Variants in GSK3B observed in about 807,000 individuals in gnomAD.
The protein encoded by GSK3B is glycogen synthase kinase-3 beta.
Under a neutral mutation model 56.4 loss-of-function variants are expected in GSK3B, and 15 were observed. That is an observed-to-expected ratio of 0.27 (90% CI 0.18 to 0.41). The LOEUF is 0.41. Among genes scored for constraint, GSK3B ranks in the 10% least tolerant of loss-of-function variants. GSK3B has a pLI of 1.00. For synonymous variants in GSK3B, 181 were observed against 188.9 expected, an observed-to-expected ratio of 0.96 and a Z score of 0.34; for missense variants, 300 against 513.4, an observed-to-expected ratio of 0.58 and a Z score of 4.02.
In GSK3B at chr3:120,001,956, T is replaced by C. The variant is rs762341952; in HGVS notation, c.282+90A>G. ...CAAAAATGCGCACAATAGAAGAAAT[T>C]TGAAGCAAAAAGAAGCAACTAAAAA... On this transcript the variant is annotated intron_variant, in intron 2 of 10. Transcript: ENST00000264235. 1.4e-3 allele frequency: 1,200 copies of C among 838,374 alleles called. 3 individuals are homozygous for C. The highest frequency in any genetic ancestry group is 1.8e-3 in the Non-Finnish European group (1,015 of 558,078). The allele number at this position is 838,374 out of a possible 1,614,324, so 51.9% of individuals were successfully genotyped here.
chr3:119,845,239 C>T (rs111625483), intron 9 of GSK3B, among the ~76,000 whole-genome samples: 4 of 152,308 alleles, frequency 2.6e-5, no homozygotes, highest in East Asian at 1.9e-4. Context: ...TGGAAGCATT[C>T]GCTTTGAAAA....
intron 7 of GSK3B, among the ~76,000 whole-genome samples, chr3:119,887,982 G>A (rs73175849): frequency 0.091 from 13,882 of 151,976 alleles, 782 homozygotes; most frequent in Non-Finnish European, 0.12. Context: ...GGAAACCAAG[G>A]GAAACCAATT....
At chr3:119,936,858 A>G (rs144954168) in intron 3 of GSK3B, among the ~76,000 whole-genome samples, 234 of 152,116 alleles carry the variant, frequency 1.5e-3, no homozygotes, top group Admixed American at 3.1e-3. Flanking sequence ...AAGGAAACAG[A>G]TAACTTGAAC....
chr3:120,016,500 C>T (rs1446951952), intron 1 of GSK3B, among the ~76,000 whole-genome samples: 1 of 152,280 alleles, frequency 6.6e-6, no homozygotes, highest in East Asian at 1.9e-4. Flanking sequence ...CTGAAAAACT[C>T]GTGTCCTACT....
intron 9 of GSK3B, among the ~76,000 whole-genome samples, chr3:119,862,882 TTA>T (rs1394374662): frequency 6.6e-6 from 1 of 152,168 alleles, no homozygotes; most frequent in Non-Finnish European, 1.5e-5. Context: ...CCTTTCAGTA[TTA>T]TCTCAGCAGC....
chr3:119,834,496 T>C (rs1489466142), intron 10 of GSK3B, among the ~76,000 whole-genome samples: 5 of 152,126 alleles, frequency 3.3e-5, no homozygotes, highest in African/African-American at 1.2e-4. Flanking sequence ...GACCTGTCAA[T>C]AAGACTGTTT....
At chr3:119,943,562 A>C (rs60859194) in intron 3 of GSK3B, among the ~76,000 whole-genome samples, 1 of 152,162 alleles carries the variant, frequency 6.6e-6, no homozygotes, top group Non-Finnish European at 1.5e-5. Context: ...AACATTTTCC[A>C]AAAAGGGAGT....
intron 7 of GSK3B, among the ~76,000 whole-genome samples, chr3:119,904,251 T>G (rs941950706): frequency 3.3e-5 from 5 of 152,198 alleles, no homozygotes; most frequent in Non-Finnish European, 5.9e-5. Flanking sequence ...ACAGAAAAAG[T>G]TGGCCAAGCT....
intron 2 of GSK3B, among the ~76,000 whole-genome samples, chr3:119,984,170 C>T (rs896553366): frequency 2.6e-5 from 4 of 152,106 alleles, no homozygotes; most frequent in Admixed American, 6.6e-5. Flanking sequence ...AGAACAAAGA[C>T]ACAACATACC....
chr3:119,994,193 A>G (rs181901241), intron 2 of GSK3B, among the ~76,000 whole-genome samples: 23 of 152,290 alleles, frequency 1.5e-4, no homozygotes, highest in Admixed American at 6.5e-4. Context: ...ATAAATGACC[A>G]AAGATTATAA....
chr3:120,086,650 C>T (rs986823292), intron 1 of GSK3B, among the ~76,000 whole-genome samples: 1 of 152,064 alleles, frequency 6.6e-6, no homozygotes, highest in Admixed American at 6.5e-5. Flanking sequence ...CAAAAACTAG[C>T]CAGGCATGTT....
At position 119,863,401 on chromosome 3, in the gene GSK3B, C is replaced by T. The variant is rs1455249278; in HGVS notation, c.1096+18G>A. Reference sequence around the variant, plus strand: ...AGCTTTCCTAGAACTGGTGAAGAGGCTAAGTGTTTGGAGTTACCTTGAGTG... The same window carrying T: ...AGCTTTCCTAGAACTGGTGAAGAGGTTAAGTGTTTGGAGTTACCTTGAGTG... On this transcript the variant is annotated intron_variant, in intron 9 of 10. Transcript: ENST00000264235. 13 of 1,598,136 alleles carry T rather than the reference C, an allele frequency of 8.1e-6. No individual in the cohort carries two copies. The highest frequency in any genetic ancestry group is 1.1e-5 in the Non-Finnish European group (13 of 1,165,692).
rs201134658 is a variant in GSK3B, at chr3:120,093,659, T to C, written c.-225A>G. On this transcript the variant is annotated 5_prime_UTR_variant, in exon 1 of 11. Transcript: ENST00000264235. ...CAGATCGGCACGGATATTTAACATATAGATGATTTAGGACTTGGGAAAAAA... is the reference window on the plus strand; with the variant it reads ...CAGATCGGCACGGATATTTAACATACAGATGATTTAGGACTTGGGAAAAAA... 3.9e-5 allele frequency: 17 copies of C among 435,940 alleles called. No homozygotes were observed. The highest frequency in any genetic ancestry group is 5.8e-5 in the Non-Finnish European group (14 of 241,538). The allele number at this position is 435,940 out of a possible 1,614,324, so 27.0% of individuals were successfully genotyped here.
intron 1 of GSK3B, among the ~76,000 whole-genome samples, chr3:120,054,274 T>G (rs2058175428): frequency 6.6e-6 from 1 of 152,124 alleles, no homozygotes; most frequent in Non-Finnish European, 1.5e-5. Flanking sequence ...AATCCCTGCT[T>G]GCTCACTTTT....
intron 8 of GSK3B, among the ~76,000 whole-genome samples, chr3:119,868,783 A>C (rs563988479): frequency 5.0e-4 from 76 of 152,312 alleles, no homozygotes; most frequent in South Asian, 1.0e-3. Flanking sequence ...TACAAAATAT[A>C]AGCATCCAGT....
chr3:120,086,688 C>T (rs962516343), intron 1 of GSK3B, among the ~76,000 whole-genome samples: 2 of 151,892 alleles, frequency 1.3e-5, no homozygotes, highest in African/African-American at 4.8e-5. Flanking sequence ...CCAGTTACTC[C>T]AGAGGTTGAG....
At position 120,093,898 on chromosome 3, in the gene GSK3B, GGAGGGAGGGA is replaced by G. The variant is rs752801938; in HGVS notation, c.-474_-465del. 463 of 214,232 alleles carry G rather than the reference GGAGGGAGGGA, an allele frequency of 2.2e-3. No homozygotes were observed. Among genetic ancestry groups the G allele is most frequent in the Non-Finnish European group, 3.5e-3 (367 of 105,642 alleles). The allele number at this position is 214,232 out of a possible 1,614,324, so 13.3% of individuals were successfully genotyped here. On this transcript the variant is annotated 5_prime_UTR_variant, in exon 1 of 11. Coordinates refer to ENST00000264235, the MANE Select transcript of GSK3B (RefSeq NM_001146156.2). ...GCTTGAAGAGAAAGGGGGATGGGTA[GGAGGGAGGGA>G]GAGGGAGGGAGGGGGTGGCTCGGAG...
chr3:119,922,308 C>T (rs2056851383), intron 4 of GSK3B, among the ~76,000 whole-genome samples: 1 of 144,332 alleles, frequency 6.9e-6, no homozygotes, highest in African/African-American at 2.6e-5. Context: ...AAAAGAACAT[C>T]CTTATCTATA....
Position 120,088,981 on chromosome 3 carries a change from C to G in GSK3B, c.88+4366G>C, listed in dbSNP as rs146359072. Among the ~76,000 whole-genome samples, 1,113 of 152,350 alleles carry G rather than the reference C, an allele frequency of 7.3e-3. 8 individuals are homozygous for G. Among genetic ancestry groups the G allele is most frequent in the Middle Eastern group, 0.017 (5 of 294 alleles). On this transcript the variant is annotated intron_variant, in intron 1 of 10. Coordinates refer to ENST00000264235, the MANE Select transcript of GSK3B (RefSeq NM_001146156.2). Reference sequence around the variant, plus strand: ...AAAGTGCACACACAAATAGAGCTCTCCCACTCTTTAGACTCTGCTGCTGGA... The same window carrying G: ...AAAGTGCACACACAAATAGAGCTCTGCCACTCTTTAGACTCTGCTGCTGGA...
Sources: allele counts gnomAD v4.1 joint callset (sites outside exome capture counted in the v4.1 genomes callset), GRCh38; gene constraint gnomAD v4.1.1; transcripts MANE v1.5; gene names NCBI Gene and HGNC (gene_info 2026-07-23, HGNC 2026-07-21).